CSMD1: variants seen among roughly 807,000 people sequenced by gnomAD.
The protein encoded by CSMD1 is CUB and Sushi multiple domains 1.
In CSMD1, 213 loss-of-function variants were observed where a neutral mutation model predicts 417.5. That is an observed-to-expected ratio of 0.51 (90% CI 0.46 to 0.57). The LOEUF is 0.57. Ranked by LOEUF, CSMD1 falls within the 20% of genes least tolerant of loss-of-function variation. CSMD1 has a pLI of 0.00. For synonymous variants in CSMD1, 2,862 were observed against 1,736.8 expected (o/e 1.65, Z -16.11); for missense variants, 6,923 against 4,529.7 (o/e 1.53, Z -15.17).
At chr8:4,039,483 C>A (rs759605145) in intron 3 of CSMD1, among the ~76,000 whole-genome samples, 1 of 152,134 alleles carries the variant, frequency 6.6e-6, no homozygotes, top group African/African-American at 2.4e-5. Flanking sequence ...TACTGGCTCT[C>A]TGAATGCGAG....
intron 5 of CSMD1, chr8:3,950,013 C>A: frequency 2.2e-6 from 1 of 455,880 alleles, no homozygotes; most frequent in Non-Finnish European, 4.4e-6. Context: ...TTGCCAGGGT[C>A]CACGGCATTT....
intron 4 of CSMD1, among the ~76,000 whole-genome samples, chr8:4,003,810 A>C (rs1470599873): frequency 1.3e-5 from 2 of 151,290 alleles, no homozygotes; most frequent in Non-Finnish European, 2.9e-5. Flanking sequence ...AGTATATTGT[A>C]CGTGTCTGAT....
chr8:3,300,789 C>A (rs1006589687), intron 25 of CSMD1, among the ~76,000 whole-genome samples: 3 of 150,038 alleles, frequency 2.0e-5, no homozygotes, highest in Non-Finnish European at 4.4e-5. Flanking sequence ...AACCCCGTGT[C>A]TACTAAAAAT....
chr8:4,181,654 T>C (rs971909208), intron 3 of CSMD1, among the ~76,000 whole-genome samples: 3 of 152,218 alleles, frequency 2.0e-5, no homozygotes, highest in South Asian at 4.1e-4. Flanking sequence ...AGAAAAGTTA[T>C]AGATGATCAG....
At chr8:4,680,524 A>G (rs978572089) in intron 1 of CSMD1, among the ~76,000 whole-genome samples, 2 of 152,142 alleles carry the variant, frequency 1.3e-5, no homozygotes, top group Admixed American at 6.6e-5. Context: ...GGAGAAATGG[A>G]AATTGGAACT....
At chr8:4,699,975 C>T (rs1396600877) in intron 1 of CSMD1, among the ~76,000 whole-genome samples, 5 of 152,202 alleles carry the variant, frequency 3.3e-5, no homozygotes, top group African/African-American at 1.2e-4. Context: ...CTGTAATTCT[C>T]TCTCATTATA....
At chr8:3,689,667 T>A (rs1299029583) in intron 7 of CSMD1, among the ~76,000 whole-genome samples, 1 of 152,102 alleles carries the variant, frequency 6.6e-6, no homozygotes, top group Non-Finnish European at 1.5e-5. Context: ...CTTACACGAG[T>A]CATCTCCTTT....
rs1810711293 is a variant in CSMD1, at chr8:3,382,644, T to C, written c.2782+4850A>G. ...ATAAATATAAATATCTCTCTCTATA[T>C]AGAGATAGATATAAAATGTATCTGC... is the stretch of plus-strand genomic sequence containing the variant. On this transcript the variant is annotated intron_variant, in intron 18 of 69. Transcript: ENST00000635120. 2.7e-5 allele frequency among the ~76,000 whole-genome samples: 4 copies of C among 147,338 alleles called. No individual in the cohort carries two copies. In the South Asian group the frequency reaches 8.5e-4, roughly 31 times the overall value.
intron 1 of CSMD1, among the ~76,000 whole-genome samples, chr8:4,899,737 T>G (rs564105015): frequency 2.0e-5 from 3 of 152,316 alleles, no homozygotes; most frequent in Non-Finnish European, 2.9e-5. Context: ...ACCTTTTTCT[T>G]GTGGGAAAAG....
intron 1 of CSMD1, among the ~76,000 whole-genome samples, chr8:4,791,468 C>A (rs1036371402): frequency 6.6e-6 from 1 of 152,136 alleles, no homozygotes; most frequent in South Asian, 2.1e-4. Context: ...GAAAAGTGAA[C>A]CTAATTTTCT....
intron 5 of CSMD1, among the ~76,000 whole-genome samples, chr8:3,802,975 T>A (rs1037460235): frequency 6.6e-6 from 1 of 152,154 alleles, no homozygotes; most frequent in Non-Finnish European, 1.5e-5. Flanking sequence ...TTCATGATCA[T>A]GTTGTAGGGT....
At chr8:2,965,218 A>G (rs589741) in intron 59 of CSMD1, among the ~76,000 whole-genome samples, 74,521 of 151,972 alleles carry the variant, frequency 0.49, 19,332 homozygotes, top group African/African-American at 0.67. Flanking sequence ...CACCTTGATG[A>G]GTTGAGCCTG....
intron 2 of CSMD1, among the ~76,000 whole-genome samples, chr8:4,534,623 T>C (rs972635424): frequency 2.0e-5 from 3 of 152,084 alleles, no homozygotes; most frequent in Admixed American, 6.5e-5. Flanking sequence ...AATGTCTAAT[T>C]TTCCCATTTT....
chr8:4,452,982 G>A (rs1032754350), intron 2 of CSMD1, among the ~76,000 whole-genome samples: 1 of 152,154 alleles, frequency 6.6e-6, no homozygotes, highest in African/African-American at 2.4e-5. Flanking sequence ...TTCTGGAGTT[G>A]CAGAGACTGT....
intron 3 of CSMD1, among the ~76,000 whole-genome samples, chr8:4,377,804 A>C (rs1433540979): frequency 2.0e-5 from 3 of 152,238 alleles, no homozygotes; most frequent in Non-Finnish European, 2.9e-5. Context: ...AGCGTTGTAC[A>C]ATTGTTTAGC....
chr8:4,361,589 G>T (rs1801768130), intron 3 of CSMD1, among the ~76,000 whole-genome samples: 1 of 152,198 alleles, frequency 6.6e-6, no homozygotes, highest in Admixed American at 6.5e-5. Context: ...GTGAAACGCA[G>T]TTGCCCTATT....
At chr8:4,344,133 C>A (rs986334137) in intron 3 of CSMD1, among the ~76,000 whole-genome samples, 1 of 152,082 alleles carries the variant, frequency 6.6e-6, no homozygotes, top group Non-Finnish European at 1.5e-5. Context: ...ACACACTGAT[C>A]ATTAGCAACT....
At chr8:4,519,596 C>T (rs1391481723) in intron 2 of CSMD1, among the ~76,000 whole-genome samples, 1 of 151,014 alleles carries the variant, frequency 6.6e-6, no homozygotes, top group Non-Finnish European at 1.5e-5. Flanking sequence ...CAAAATTAGC[C>T]CGACATGGTT....
At chr8:3,288,845 C>G (rs1203439340) in intron 25 of CSMD1, among the ~76,000 whole-genome samples, 5 of 146,700 alleles carry the variant, frequency 3.4e-5, no homozygotes, top group Admixed American at 3.4e-4. Context: ...TATTATTATA[C>G]TTTAAGTTTT....
Sources: gnomAD v4.1 joint callset for allele counts (sites outside exome capture counted in the v4.1 genomes callset) on GRCh38, gnomAD v4.1.1 for gene constraint, MANE v1.5 for transcripts, NCBI Gene and HGNC (gene_info 2026-07-23, HGNC 2026-07-21) for gene names.